The following PCDHA9 variants were observed in gnomAD, a reference collection of about 807,000 sequenced individuals.
PCDHA9 encodes the protein protocadherin alpha 9.
Under a neutral mutation model 62.0 loss-of-function variants are expected in PCDHA9, and 62 were observed. The observed-to-expected ratio is 1.00, with a 90% CI of 0.81 to 1.23. PCDHA9 has a LOEUF of 1.23. PCDHA9 is among the 50% of genes most tolerant of loss of function. PCDHA9 has a pLI of 0.00. For missense variants in PCDHA9, 1,205 were observed against 1,249.8 expected, an observed-to-expected ratio of 0.96 and a Z score of 0.54; for synonymous variants, 557 against 567.6, an observed-to-expected ratio of 0.98 and a Z score of 0.27.
In PCDHA9 at chr5:141,010,171, A is replaced by G. The variant is rs2098416277; in HGVS notation, c.*234A>G. On this transcript the variant is annotated 3_prime_UTR_variant, in exon 4 of 4. Transcript: ENST00000532602. ...CCACTCTGGCTTGTTTTCAGAACCTAAAAAGCAGACCCAAGTTTCCTTTCT... is the reference window on the plus strand; with the variant it reads ...CCACTCTGGCTTGTTTTCAGAACCTGAAAAGCAGACCCAAGTTTCCTTTCT... The G allele has an allele frequency of 3.2e-6, 5 of 1,559,030 alleles. No individual in the cohort carries two copies. Among genetic ancestry groups the G allele is most frequent in the Non-Finnish European group, 4.3e-6 (5 of 1,150,704 alleles).
intron 1 of PCDHA9, chr5:140,871,112 A>C (rs1554165130): frequency 1.2e-6 from 2 of 1,613,172 alleles, no homozygotes; most frequent in Non-Finnish European, 1.7e-6. Context: ...TCGTTGGTGG[A>C]GAGCGGACAG....
intron 1 of PCDHA9, among the ~76,000 whole-genome samples, chr5:140,889,104 T>C (rs2062103050): frequency 6.6e-6 from 1 of 151,956 alleles, no homozygotes; most frequent in Admixed American, 6.6e-5. Flanking sequence ...TTTTTCATCT[T>C]TATTCCAGGT....
intron 1 of PCDHA9, among the ~76,000 whole-genome samples, chr5:140,909,888 C>A (rs1391505487): frequency 6.6e-6 from 1 of 152,172 alleles, no homozygotes; most frequent in Admixed American, 6.5e-5. Flanking sequence ...AGACACTGTT[C>A]AGTAGTCCCT....
chr5:140,980,873 T>C (rs1586863406), intron 2 of PCDHA9, among the ~76,000 whole-genome samples: 1 of 152,338 alleles, frequency 6.6e-6, no homozygotes, highest in East Asian at 1.9e-4. Context: ...TGCTTGGGTG[T>C]TCTCGGTCTT....
rs782463268 is a variant in PCDHA9, at chr5:140,941,198, TCTTCCTTTCTTTCTTC to T, written c.2395-37747_2395-37732del. On this transcript the variant is annotated intron_variant, in intron 1 of 3. Transcript: ENST00000532602. ...AACATCCTGCTTCTTTTTTTTTCTTTCTTCCTTTCTTTCTTCCTTTCTTTCTTTCTTTCTTTCTTTC... is the reference window on the plus strand; with the variant it reads ...AACATCCTGCTTCTTTTTTTTTCTTTCTTTCTTTCTTTCTTTCTTTCTTTC... 2.9e-3 allele frequency among the ~76,000 whole-genome samples: 353 copies of T among 119,898 alleles called. 1 individual carries two copies. Among genetic ancestry groups the T allele is most frequent in the African/African-American group, 8.8e-3 (254 of 28,982 alleles). The allele number at this position is 119,898 out of a possible 152,430, so 78.7% of individuals were successfully genotyped here.
At chr5:140,885,045 G>T (rs528565062) in intron 1 of PCDHA9, among the ~76,000 whole-genome samples, 3 of 152,238 alleles carry the variant, frequency 2.0e-5, no homozygotes, top group Admixed American at 1.3e-4. Context: ...TTAGTTTAAT[G>T]TATACATATA....
Position 140,856,344 on chromosome 5 carries a change from T to C in PCDHA9, c.2394+5455T>C, listed in dbSNP as rs782335067. 2.8e-5 allele frequency: 45 copies of C among 1,598,188 alleles called. 4 individuals are homozygous for C. The highest frequency in any genetic ancestry group is 1.5e-4 in the Admixed American group (9 of 59,260). On this transcript the variant is annotated intron_variant, in intron 1 of 3. Transcript: ENST00000532602. The stretch of plus-strand genomic sequence containing the variant: ...CGCGAGGAGCTGTGCGGGCGGAGCG[T>C]GGAGTGCAGCATCCACCTGGAGGTG...
chr5:140,903,908 T>G (rs1248455998), intron 1 of PCDHA9, among the ~76,000 whole-genome samples: 2 of 152,242 alleles, frequency 1.3e-5, no homozygotes, highest in East Asian at 1.9e-4. Flanking sequence ...GTCAATGATG[T>G]GACTTCCTTG....
At chr5:140,885,328 A>G (rs2060562963) in intron 1 of PCDHA9, among the ~76,000 whole-genome samples, 1 of 152,114 alleles carries the variant, frequency 6.6e-6, no homozygotes, top group Non-Finnish European at 1.5e-5. Context: ...TTCTTTTCCA[A>G]AGTTTGAAGG....
At chr5:140,962,625 A>C (rs2095697493) in intron 1 of PCDHA9, among the ~76,000 whole-genome samples, 1 of 152,228 alleles carries the variant, frequency 6.6e-6, no homozygotes, top group Non-Finnish European at 1.5e-5. Context: ...GAGATGTGAA[A>C]AAATTTAGCC....
At chr5:140,996,296 T>C (rs1252218880) in intron 3 of PCDHA9, among the ~76,000 whole-genome samples, 1 of 152,158 alleles carries the variant, frequency 6.6e-6, no homozygotes, top group African/African-American at 2.4e-5. Context: ...GAAGCACAGA[T>C]TGTAACAAAG....
Position 140,926,934 on chromosome 5 carries a change from C to T in PCDHA9, c.2395-52015C>T, listed in dbSNP as rs138351230. ...TGGCAGTTTTATGTTTGTGGGTTTC[C>T]TGCGGCGCTGCAGCGGGACAGCTCG... On this transcript the variant is annotated intron_variant, in intron 1 of 3. Coordinates refer to ENST00000532602, the MANE Select transcript of PCDHA9 (RefSeq NM_031857.2). The T allele has an allele frequency of 5.7e-6, 9 of 1,578,848 alleles. No homozygotes were observed. The African/African-American group carries it at 1.2e-4, about 21-fold the overall frequency.
chr5:140,976,689 T>TTTGCA (rs1280133734), intron 1 of PCDHA9, among the ~76,000 whole-genome samples: 2 of 152,232 alleles, frequency 1.3e-5, no homozygotes, highest in East Asian at 3.8e-4. Context: ...GCAATTTAAG[T>TTTGCA]ACAATAATGT....
rs782085408 is a variant in PCDHA9, at chr5:140,870,885, C to A, written c.2394+19996C>A. On this transcript the variant is annotated intron_variant, in intron 1 of 3. Coordinates refer to ENST00000532602, the MANE Select transcript of PCDHA9 (RefSeq NM_031857.2). ...CGGGCCACGTGGTGGCGAAGGTGCG[C>A]GCAGTGGATGCGGACTCAGGCTACA... 5 of 1,613,800 alleles carry A rather than the reference C, an allele frequency of 3.1e-6. No individual in the cohort carries two copies. The African/African-American group carries it at 5.3e-5, about 17-fold the overall frequency.
chr5:140,927,972 T>C, intron 1 of PCDHA9: 1 of 1,614,190 alleles, frequency 6.2e-7, no homozygotes, highest in Non-Finnish European at 8.5e-7. Context: ...CAGTGATTGC[T>C]CTCTTTAGTG....
At position 141,010,031 on chromosome 5, in the gene PCDHA9, A is replaced by C; in HGVS notation, c.*94A>C. On this transcript the variant is annotated 3_prime_UTR_variant, in exon 4 of 4. Transcript: ENST00000532602. Reference sequence around the variant, plus strand: ...TTCCCTGCTCCTTTTTCCTATCTACATGAGCCCTCTTAGAGACCTCAGAAA... The same window carrying C: ...TTCCCTGCTCCTTTTTCCTATCTACCTGAGCCCTCTTAGAGACCTCAGAAA... 4 of 1,581,690 alleles carry C rather than the reference A, an allele frequency of 2.5e-6. No individual in the cohort carries two copies. Among genetic ancestry groups the C allele is most frequent in the South Asian group, 1.2e-5 (1 of 84,422 alleles).
intron 1 of PCDHA9, chr5:140,926,922 T>A: frequency 6.4e-7 from 1 of 1,570,576 alleles, no homozygotes; most frequent in Non-Finnish European, 8.7e-7. Flanking sequence ...CAGTTTTATG[T>A]TTGTGGGTTT....
At chr5:140,966,455 C>G (rs376758355) in intron 1 of PCDHA9, 20 of 426,928 alleles carry the variant, frequency 4.7e-5, no homozygotes, top group East Asian at 2.8e-4. Flanking sequence ...CCCCCTCCCC[C>G]TCTGTCTTCC....
chr5:140,968,127 C>T (rs1217974732), intron 1 of PCDHA9: 7 of 1,614,064 alleles, frequency 4.3e-6, no homozygotes, highest in Non-Finnish European at 5.9e-6. Context: ...TCCCTGCGTA[C>T]ACTGAAGGTT....
Sources: gnomAD v4.1 joint callset for allele counts (sites outside exome capture counted in the v4.1 genomes callset) on GRCh38, gnomAD v4.1.1 for gene constraint, MANE v1.5 for transcripts, NCBI Gene and HGNC (gene_info 2026-07-23, HGNC 2026-07-21) for gene names.